The following XPR1 variants were observed in gnomAD, a reference collection of about 807,000 sequenced individuals.
XPR1 encodes the protein xenotropic and polytropic retrovirus receptor 1.
XPR1 carries 28 observed loss-of-function variants against 87.5 expected under a neutral mutation model. The ratio of observed to expected loss-of-function variants is 0.32; its 90% CI spans 0.24 to 0.44. XPR1 has a LOEUF of 0.44. XPR1 is among the 20% of genes least tolerant of loss of function. The pLI is 1.00. For missense variants in XPR1, 559 were observed against 862.3 expected, an observed-to-expected ratio of 0.65 and a Z score of 4.41; for synonymous variants, 300 against 306.1, an observed-to-expected ratio of 0.98 and a Z score of 0.21.
At chr1:180,663,871 T>C (rs1000752367) in intron 1 of XPR1, among the ~76,000 whole-genome samples, 5 of 152,166 alleles carry the variant, frequency 3.3e-5, no homozygotes, top group African/African-American at 4.8e-5. Context: ...TTTCTACTCT[T>C]TCCTTCCCTT....
Position 180,850,920 on chromosome 1 carries a change from A to G in XPR1, c.1502-12788A>G, listed in dbSNP as rs576288088. Among the ~76,000 whole-genome samples the G allele has an allele frequency of 6.0e-4, 91 of 151,854 alleles. 3 individuals are homozygous for G. The South Asian group carries it at 0.018, about 29-fold the overall frequency. ...GTTACAGTGAGTTATTATTGTACCA[A>G]TGTACTCCTGCGTGGGCAACAGATT... On this transcript the variant is annotated intron_variant, in intron 11 of 14. Transcript: ENST00000367590.
chr1:180,845,923 A>C (rs1427832750), intron 11 of XPR1, among the ~76,000 whole-genome samples: 1 of 152,204 alleles, frequency 6.6e-6, no homozygotes, highest in Non-Finnish European at 1.5e-5. Context: ...ATCATTTGAC[A>C]TGATTAATTT....
intron 9 of XPR1, among the ~76,000 whole-genome samples, chr1:180,831,366 T>TTCTTTTTC (rs1315699639): frequency 1.5e-5 from 2 of 132,628 alleles, no homozygotes; most frequent in African/African-American, 6.3e-5. Context: ...CTTTTTCTTT[T>TTCTTTTTC]TTTTTTTTTT....
rs910717076 is a variant in XPR1 at position 180,796,093 on chromosome 1, C to T, written c.224-7295C>T. ...AAAGTGCTGGGATTACAGGCGTGAG[C>T]GACTGCGCCTGGCCTCATTTTTATT... is the stretch of plus-strand genomic sequence containing the variant. On this transcript the variant is annotated intron_variant, in intron 3 of 14. Coordinates refer to ENST00000367590, the MANE Select transcript of XPR1 (RefSeq NM_004736.4). Among the ~76,000 whole-genome samples, 10 of 152,222 alleles carry T rather than the reference C, an allele frequency of 6.6e-5. No individual in the cohort carries two copies. In the South Asian group the frequency reaches 1.9e-3, roughly 28 times the overall value.
chr1:180,755,668 G>A (rs1445350173), intron 2 of XPR1, among the ~76,000 whole-genome samples: 1 of 152,084 alleles, frequency 6.6e-6, no homozygotes, highest in Admixed American at 6.5e-5. Flanking sequence ...TGTTTATTAT[G>A]GTATTTATGT....
chr1:180,665,293 A>G (rs1224170017), intron 1 of XPR1, among the ~76,000 whole-genome samples: 1 of 152,038 alleles, frequency 6.6e-6, no homozygotes, highest in Admixed American at 6.6e-5. Flanking sequence ...TGATCCAAGT[A>G]CCTCCACCTG....
At chr1:180,656,749 A>C (rs1162496608) in intron 1 of XPR1, among the ~76,000 whole-genome samples, 1 of 143,600 alleles carries the variant, frequency 7.0e-6, no homozygotes, top group African/African-American at 2.6e-5. Flanking sequence ...GTTGACAGAC[A>C]CTTGGGTTGC....
chr1:180,817,385 T>C (rs1650448817), intron 7 of XPR1, among the ~76,000 whole-genome samples: 1 of 152,182 alleles, frequency 6.6e-6, no homozygotes, highest in Admixed American at 6.5e-5. Context: ...GTCTTCACAT[T>C]TACTCACCAC....
At chr1:180,792,343 CA>C (rs1405723459) in intron 3 of XPR1, among the ~76,000 whole-genome samples, 1 of 152,144 alleles carries the variant, frequency 6.6e-6, no homozygotes, top group Non-Finnish European at 1.5e-5. Context: ...CTAGTCATAT[CA>C]AAAAGGCCAA....
intron 11 of XPR1, among the ~76,000 whole-genome samples, chr1:180,855,925 C>T (rs1322690807): frequency 6.6e-6 from 1 of 152,154 alleles, no homozygotes; most frequent in Non-Finnish European, 1.5e-5. Context: ...GCTCTCATTT[C>T]CCCTTGTCCC....
chr1:180,797,172 C>T (rs1649615675), intron 3 of XPR1, among the ~76,000 whole-genome samples: 1 of 151,970 alleles, frequency 6.6e-6, no homozygotes, highest in South Asian at 2.1e-4. Flanking sequence ...GTAAGTTATA[C>T]CTCAAACAAA....
rs1480214501 is a variant in XPR1, at chr1:180,886,405, A to G, written c.*2339A>G. 6.6e-6 allele frequency: 1 copy of G among 152,246 alleles called. No homozygotes were observed. Among genetic ancestry groups the G allele is most frequent in the African/African-American group, 2.4e-5 (1 of 41,466 alleles). 9.4% of individuals were successfully genotyped at this position (152,246 alleles called of 1,614,324 possible). The stretch of plus-strand genomic sequence containing the variant: ...TTAGTGAATCTCTATGATGGCACAC[A>G]TAAAATCTTACAGTTGACTTCTGCT... On this transcript the variant is annotated 3_prime_UTR_variant, in exon 15 of 15. Transcript: ENST00000367590.
At chr1:180,703,771 T>A (rs776212171) in intron 2 of XPR1, among the ~76,000 whole-genome samples, 14 of 152,186 alleles carry the variant, frequency 9.2e-5, no homozygotes, top group Non-Finnish European at 1.8e-4. Flanking sequence ...AATGACACCA[T>A]TTGGTACAGA....
intron 2 of XPR1, among the ~76,000 whole-genome samples, chr1:180,714,365 CTCTCTCTCTCT>C (rs1557970770): frequency 1.1e-4 from 16 of 142,074 alleles, no homozygotes; most frequent in East Asian, 6.1e-4. Context: ...CTCTCTCTCT[CTCTCTCTCTCT>C]CTCTCTCTCT....
At chr1:180,635,204 C>A (rs1342725672) in intron 1 of XPR1, among the ~76,000 whole-genome samples, 1 of 152,088 alleles carries the variant, frequency 6.6e-6, no homozygotes, top group Non-Finnish European at 1.5e-5. Flanking sequence ...TCTCTTCAAT[C>A]CATTTGTAAG....
chr1:180,662,961 T>G (rs181210853), intron 1 of XPR1, among the ~76,000 whole-genome samples: 5 of 152,338 alleles, frequency 3.3e-5, no homozygotes, highest in African/African-American at 1.2e-4. Flanking sequence ...ACTCCAGAAT[T>G]TCTGCATGAT....
In XPR1 at chr1:180,884,213, C is replaced by T. The variant is rs1455736976; in HGVS notation, c.*147C>T. The T allele has an allele frequency of 1.7e-5, 9 of 541,892 alleles. No individual in the cohort carries two copies. Among genetic ancestry groups the T allele is most frequent in the Non-Finnish European group, 2.9e-5 (9 of 310,520 alleles). The allele number at this position is 541,892 out of a possible 1,614,324, so 33.6% of individuals were successfully genotyped here. ...GCTCTTCCGGATCGGATCCTATGGA[C>T]TCCAAACAAGCTCACTGTGTTTCTT... On this transcript the variant is annotated 3_prime_UTR_variant, in exon 15 of 15. Transcript: ENST00000367590.
chr1:180,764,745 C>A (rs1182277480), intron 2 of XPR1, among the ~76,000 whole-genome samples: 1 of 151,208 alleles, frequency 6.6e-6, no homozygotes, highest in African/African-American at 2.4e-5. Context: ...GCTGGGATTA[C>A]AGGTATGAGC....
chr1:180,790,354 T>G (rs1044542729), intron 3 of XPR1, among the ~76,000 whole-genome samples: 4 of 151,852 alleles, frequency 2.6e-5, no homozygotes, highest in Admixed American at 6.6e-5. Flanking sequence ...AGTCATTCCC[T>G]TCAAAAAAAA....
Sources: allele counts gnomAD v4.1 joint callset (sites outside exome capture counted in the v4.1 genomes callset), GRCh38; gene constraint gnomAD v4.1.1; transcripts MANE v1.5; gene names NCBI Gene and HGNC (gene_info 2026-07-23, HGNC 2026-07-21).